Variants in STN1 observed in about 807,000 individuals in gnomAD.
STN1 encodes the protein CST complex subunit STN1.
Under a neutral mutation model 45.5 loss-of-function variants are expected in STN1, and 29 were observed. The observed-to-expected ratio is 0.64, with a 90% confidence interval of 0.47 to 0.87. STN1 has a LOEUF of 0.87. STN1 is among the 40% of genes least tolerant of loss of function. The pLI is 0.00. For missense variants in STN1, 376 were observed against 441.4 expected, an observed-to-expected ratio of 0.85 and a Z score of 1.33; for synonymous variants, 148 against 159.0, an observed-to-expected ratio of 0.93 and a Z score of 0.52.
At position 103,882,300 on chromosome 10, in the gene STN1, C is replaced by T. The variant is rs1843074001; in HGVS notation, c.*384G>A. 6.6e-6 allele frequency among the ~76,000 whole-genome samples: 1 copy of T among 152,218 alleles called. No homozygotes were observed. Among genetic ancestry groups the T allele is most frequent in the African/African-American group, 2.4e-5 (1 of 41,456 alleles). ...GAACTGTGTGATCAGGCCATATGCC[C>T]CTCAGTTCCTGAATGTTCACTACCC... is the stretch of plus-strand genomic sequence containing the variant. On this transcript the variant is annotated 3_prime_UTR_variant, in exon 10 of 10. Coordinates refer to ENST00000224950, the MANE Select transcript of STN1 (RefSeq NM_024928.5).
intron 2 of STN1, among the ~76,000 whole-genome samples, chr10:103,910,901 G>A (rs181364126): frequency 6.6e-6 from 1 of 152,166 alleles, no homozygotes; most frequent in Admixed American, 6.5e-5. Flanking sequence ...ACCCTGTTCT[G>A]AATGCTCACA....
intron 3 of STN1, among the ~76,000 whole-genome samples, chr10:103,908,888 AT>A (rs35148368): frequency 0.44 from 66,019 of 148,500 alleles, 15,048 homozygotes; most frequent in Non-Finnish European, 0.5. Flanking sequence ...AATGCAGTTA[AT>A]TTTTTTTTTT....
rs999336012 is a variant in STN1 at position 103,881,911 on chromosome 10, A to G, written c.*773T>C. On this transcript the variant is annotated 3_prime_UTR_variant, in exon 10 of 10. Coordinates refer to ENST00000224950, the MANE Select transcript of STN1 (RefSeq NM_024928.5). ...CTGCACACTCAGCGGCAACCCTGAA[A>G]ATAACATCTACCACCTGCCAGGCAA... 3.9e-5 allele frequency among the ~76,000 whole-genome samples: 6 copies of G among 152,230 alleles called. No homozygotes were observed. Among genetic ancestry groups the G allele is most frequent in the African/African-American group, 1.4e-4 (6 of 41,452 alleles).
intron 2 of STN1, 75 bp from the exon 3 acceptor site, chr10:103,910,697 G>T: frequency 1.3e-6 from 1 of 766,996 alleles, no homozygotes; most frequent in Non-Finnish European, 2.2e-6. Context: ...AACTTGTAGG[G>T]GGGAAGGGAG....
intron 3 of STN1, among the ~76,000 whole-genome samples, chr10:103,909,076 G>A (rs192898549): frequency 6.6e-6 from 1 of 151,720 alleles, no homozygotes; most frequent in Non-Finnish European, 1.5e-5. Context: ...AATAATACCT[G>A]TACTTTCTGT....
At chr10:103,886,898 C>T (rs1003249067) in intron 9 of STN1, among the ~76,000 whole-genome samples, 4 of 152,232 alleles carry the variant, frequency 2.6e-5, no homozygotes, top group African/African-American at 9.6e-5. Context: ...CAAGGTGGCT[C>T]CAGAGCACAG....
At chr10:103,915,719 T>G (rs1294293754) in intron 2 of STN1, among the ~76,000 whole-genome samples, 1 of 152,058 alleles carries the variant, frequency 6.6e-6, no homozygotes, top group Non-Finnish European at 1.5e-5. Flanking sequence ...GGAGTGGAAT[T>G]CCCCACCCCC....
chr10:103,913,095 A>C (rs907666082), intron 2 of STN1, among the ~76,000 whole-genome samples: 4 of 152,234 alleles, frequency 2.6e-5, no homozygotes, highest in Admixed American at 2.0e-4. Context: ...TCGTGGTTTT[A>C]ATAAAGAGCA....
chr10:103,893,656 G>A (rs566700018), intron 7 of STN1, among the ~76,000 whole-genome samples: 1 of 152,274 alleles, frequency 6.6e-6, no homozygotes, highest in African/African-American at 2.4e-5. Context: ...ATTTGCTAAT[G>A]ACATTTCCTC....
At chr10:103,885,778 A>G (rs1733238629) in intron 9 of STN1, among the ~76,000 whole-genome samples, 1 of 152,190 alleles carries the variant, frequency 6.6e-6, no homozygotes, top group Non-Finnish European at 1.5e-5. Context: ...GTACAATTAC[A>G]TAATTCGACT....
chr10:103,902,836 A>T (rs951212922), intron 4 of STN1, among the ~76,000 whole-genome samples: 2 of 152,182 alleles, frequency 1.3e-5, no homozygotes, highest in African/African-American at 2.4e-5. Context: ...AGACGATGAG[A>T]ATCATTTTTA....
In STN1 at chr10:103,917,509, A is replaced by T. The variant is rs769177803; in HGVS notation, c.86T>A (p.Leu29His). 6.2e-7 allele frequency: 1 copy of T among 1,613,938 alleles called. No homozygotes were observed. The highest frequency in any genetic ancestry group is 1.3e-5 in the African/African-American group (1 of 74,912). The change falls in exon 2 of 10, where the codon CTC (leucine) becomes CAC (histidine). Residue 29 changes from leucine to histidine, a missense_variant. Physicochemically the swap from Leu to His is moderately conservative, Grantham distance 99. Transcript: ENST00000224950. ...LDPVFLAFAK[L>H]YIRDILDMKE... ...CATGTCCAGGATATCCCTGATGTAGAGTTTTGCAAAGGCTAGAAACACAGG... is the reference window on the plus strand; with the variant it reads ...CATGTCCAGGATATCCCTGATGTAGTGTTTTGCAAAGGCTAGAAACACAGG...
At chr10:103,907,200 A>T (rs962735272) in intron 3 of STN1, among the ~76,000 whole-genome samples, 1 of 152,228 alleles carries the variant, frequency 6.6e-6, no homozygotes, top group Non-Finnish European at 1.5e-5. Context: ...AAGTACACAG[A>T]TACATACATC....
At chr10:103,899,605 T>A (rs534812079) in intron 5 of STN1, among the ~76,000 whole-genome samples, 20 of 152,250 alleles carry the variant, frequency 1.3e-4, no homozygotes, top group Admixed American at 7.9e-4. Context: ...GAGAATCTCC[T>A]GAGCCCAGGA....
chr10:103,902,264 T>A (rs1428981248), intron 4 of STN1, among the ~76,000 whole-genome samples: 2 of 152,172 alleles, frequency 1.3e-5, no homozygotes, highest in African/African-American at 4.8e-5. Flanking sequence ...AATCCCCAAC[T>A]GCTACTTTTT....
intron 4 of STN1, 119 bp from the exon 5 acceptor site, chr10:103,900,342 G>T: frequency 1.1e-6 from 1 of 950,076 alleles, no homozygotes; most frequent in Non-Finnish European, 1.5e-6. Flanking sequence ...CTACTTCTGA[G>T]TAATTGTTCT....
intron 6 of STN1, among the ~76,000 whole-genome samples, chr10:103,898,560 A>C (rs1314614442): frequency 6.6e-6 from 1 of 152,154 alleles, no homozygotes; most frequent in Non-Finnish European, 1.5e-5. Context: ...TAAAGTTTTT[A>C]TCAAACTTGG....
chr10:103,900,482 C>T (rs1843201608), intron 4 of STN1, among the ~76,000 whole-genome samples: 1 of 152,196 alleles, frequency 6.6e-6, no homozygotes, highest in Non-Finnish European at 1.5e-5. Flanking sequence ...CGACAGGCTC[C>T]AGGGCCTTCT....
Position 103,914,359 on chromosome 10 carries a change from TATA to T in STN1, c.133+3100_133+3102del, listed in dbSNP as rs1477792292. 2.1e-3 allele frequency among the ~76,000 whole-genome samples: 90 copies of T among 42,496 alleles called. 5 individuals carry two copies. The highest frequency in any genetic ancestry group is 4.7e-3 in the African/African-American group (52 of 11,114). 27.9% of individuals were successfully genotyped at this position (42,496 alleles called of 152,430 possible). A position where few individuals can be genotyped will look rare whatever the true frequency, so the allele number is the denominator to read the frequency against. ...ACATATATATATATATATATATATA[TATA>T]TATATATATATATTTTTTTTTTTTT... On this transcript the variant is annotated intron_variant, in intron 2 of 9. Transcript: ENST00000224950.
Sources: gnomAD v4.1 joint callset for allele counts (sites outside exome capture counted in the v4.1 genomes callset) on GRCh38, gnomAD v4.1.1 for gene constraint, MANE v1.5 for transcripts, NCBI Gene and HGNC (gene_info 2026-07-23, HGNC 2026-07-21) for gene names.